The following RANBP9 variants were observed in gnomAD, a reference collection of about 807,000 sequenced individuals.
RANBP9 encodes RAN binding protein 9.
RANBP9 carries 15 observed loss-of-function variants against 84.3 expected under a neutral mutation model. That is an observed-to-expected ratio of 0.18 (90% CI 0.12 to 0.27). RANBP9 has a LOEUF of 0.27. Ranked by LOEUF, RANBP9 falls within the 10% of genes least tolerant of loss-of-function variation. The probability of loss-of-function intolerance (pLI) is 1.00; values close to 1 mark genes in which losing one functional copy is unlikely to be tolerated. For missense variants in RANBP9, 809 were observed against 912.8 expected, an observed-to-expected ratio of 0.89 and a Z score of 1.46; for synonymous variants, 392 against 349.6, an observed-to-expected ratio of 1.12 and a Z score of -1.35.
chr6:13,711,184 G>C lies in RANBP9; in HGVS notation c.322C>G (p.Leu108Val), dbSNP rs1758270353. The C allele has an allele frequency of 1.6e-6, 2 of 1,273,152 alleles. No homozygotes were observed. The highest frequency in any genetic ancestry group is 2.0e-6 in the Non-Finnish European group (2 of 1,011,166). 78.9% of individuals were successfully genotyped at this position (1,273,152 alleles called of 1,614,324 possible). A position where few individuals can be genotyped will look rare whatever the true frequency, so the allele number is the denominator to read the frequency against. The change falls in exon 1 of 14, where the codon CTT becomes GTT. Residue 108 changes from leucine (L) to valine (V), a missense_variant. By Grantham distance (32) the Leu-to-Val change is conservative (BLOSUM62 1). Around this residue, in one of 5 missense-constraint regions of RANBP9, gnomAD observed 302 missense variants for 240.1 expected, o/e 1.26. Coordinates refer to ENST00000011619, the MANE Select transcript of RANBP9 (RefSeq NM_005493.3). ...PASGPPAPPGLAAGPGPAGGA... is the reference protein window; with the variant it reads ...PASGPPAPPGVAAGPGPAGGA... ...CCAGCCGGGCCGGGGCCCGCTGCAA[G>C]GCCCGGGGGAGCGGGCGGCCCGCTG...
At chr6:13,710,195 C>G (rs1307086287) in intron 1 of RANBP9, among the ~76,000 whole-genome samples, 1 of 152,084 alleles carries the variant, frequency 6.6e-6, no homozygotes, top group Non-Finnish European at 1.5e-5. Flanking sequence ...AAACATAAGC[C>G]AATTTTCTTC....
chr6:13,673,574 A>G (rs1041298990), intron 2 of RANBP9, among the ~76,000 whole-genome samples: 7 of 152,204 alleles, frequency 4.6e-5, no homozygotes, highest in Admixed American at 2.0e-4. Flanking sequence ...CTGACTATGG[A>G]TAAGTGAAAT....
chr6:13,635,499 G>GA (rs141214665), intron 10 of RANBP9, among the ~76,000 whole-genome samples: 13,004 of 148,486 alleles, frequency 0.088, 965 homozygotes, highest in African/African-American at 0.19. Flanking sequence ...TTCAATTGTA[G>GA]AAAAAAAAAC....
rs775748955 is a variant in RANBP9, at chr6:13,632,466, T to C, written c.1851A>G (p.Ile617Met). 1.9e-6 allele frequency: 3 copies of C among 1,614,020 alleles called. No homozygotes were observed. The highest frequency in any genetic ancestry group is 2.5e-6 in the Non-Finnish European group (3 of 1,179,908). ...CTCGTCCAAAGTGGATCATTCTTTCTATGGCGGCCTGACTTCCTCCACACA... is the reference window on the plus strand; with the variant it reads ...CTCGTCCAAAGTGGATCATTCTTTCCATGGCGGCCTGACTTCCTCCACACA... ...RQLCGGSQAA[I>M]ERMIHFGREL... The change falls in exon 12 of 14, where the codon ATA (isoleucine) becomes ATG (methionine). Residue 617 changes from isoleucine to methionine, a missense_variant. By Grantham distance (10) the Ile-to-Met change is conservative (BLOSUM62 1). This residue lies in a region of RANBP9 where 233 missense variants were observed against 234.4 expected (regional missense o/e 0.99). Transcript: ENST00000011619.
At chr6:13,704,467 A>C (rs1348285552) in intron 1 of RANBP9, among the ~76,000 whole-genome samples, 1 of 151,992 alleles carries the variant, frequency 6.6e-6, no homozygotes, top group Non-Finnish European at 1.5e-5. Context: ...CTTCTCTACA[A>C]AAAAATACAA....
chr6:13,659,588 A>T (rs1197990555), intron 2 of RANBP9, among the ~76,000 whole-genome samples: 1 of 152,198 alleles, frequency 6.6e-6, no homozygotes, highest in Non-Finnish European at 1.5e-5. Flanking sequence ...AACACAATAC[A>T]CTTGTAAGTA....
At position 13,711,577 on chromosome 6, in the gene RANBP9, T is replaced by C; in HGVS notation, c.-72A>G. 2 of 1,211,936 alleles carry C rather than the reference T, an allele frequency of 1.7e-6. No homozygotes were observed. The highest frequency in any genetic ancestry group is 2.1e-6 in the Non-Finnish European group (2 of 967,746). The allele number at this position is 1,211,936 out of a possible 1,614,324, so 75.1% of individuals were successfully genotyped here. On this transcript the variant is annotated 5_prime_UTR_variant, in exon 1 of 14. Coordinates refer to ENST00000011619, the MANE Select transcript of RANBP9 (RefSeq NM_005493.3). The stretch of plus-strand genomic sequence containing the variant: ...CCTCCTCTGCTTCCCGGGGGCGCTG[T>C]CGCTGCGGCCGCCGGCACCAGGCGC...
intron 12 of RANBP9, among the ~76,000 whole-genome samples, chr6:13,631,828 T>A (rs1764790802): frequency 1.3e-5 from 2 of 152,324 alleles, no homozygotes; most frequent in South Asian, 4.1e-4. Context: ...TCCTATCAGC[T>A]CATGGACAAC....
chr6:13,710,364 C>T (rs1404577824), intron 1 of RANBP9, among the ~76,000 whole-genome samples: 1 of 152,128 alleles, frequency 6.6e-6, no homozygotes, highest in Non-Finnish European at 1.5e-5. Flanking sequence ...CTTACCCTCC[C>T]GGTTGCTTTT....
chr6:13,627,496 G>A (rs1310882819), intron 12 of RANBP9, among the ~76,000 whole-genome samples: 1 of 151,806 alleles, frequency 6.6e-6, no homozygotes, highest in African/African-American at 2.4e-5. Context: ...CAGGCATGGT[G>A]GTGCATGCCT....
At chr6:13,624,914 C>T (rs1764558695) in intron 13 of RANBP9, among the ~76,000 whole-genome samples, 1 of 152,164 alleles carries the variant, frequency 6.6e-6, no homozygotes, top group Non-Finnish European at 1.5e-5. Flanking sequence ...TGCCCATATT[C>T]ATAAGCATGG....
At chr6:13,707,952 C>G (rs1318973435) in intron 1 of RANBP9, among the ~76,000 whole-genome samples, 1 of 152,202 alleles carries the variant, frequency 6.6e-6, no homozygotes, top group Non-Finnish European at 1.5e-5. Flanking sequence ...TGTGTGACTG[C>G]TAAGCAAAAG....
Position 13,696,865 on chromosome 6 carries a change from T to A in RANBP9, c.603A>T (p.Ser201=). The stretch of plus-strand genomic sequence containing the variant: ...CTGGTATTGGATGCGTGGCTCGAAC[T>A]GACGCGGCATCTTTTGGGGTTTTGC... ...GHGKTPKDAA[S]VRATHPIPAA... Residue 201 remains serine (S), a synonymous_variant, in exon 2 of 14, where the codon TCA becomes TCT. Coordinates refer to ENST00000011619, the MANE Select transcript of RANBP9 (RefSeq NM_005493.3). The A allele has an allele frequency of 6.2e-7, 1 of 1,613,584 alleles. No individual in the cohort carries two copies. Among genetic ancestry groups the A allele is most frequent in the Non-Finnish European group, 8.5e-7 (1 of 1,179,700 alleles).
intron 1 of RANBP9, among the ~76,000 whole-genome samples, chr6:13,697,803 T>C (rs974161786): frequency 1.3e-5 from 2 of 152,178 alleles, no homozygotes; most frequent in African/African-American, 4.8e-5. Context: ...AGTCTCCATA[T>C]CCCCAAAAGG....
intron 2 of RANBP9, among the ~76,000 whole-genome samples, chr6:13,683,425 C>G (rs1291498472): frequency 6.6e-6 from 1 of 152,038 alleles, no homozygotes; most frequent in Non-Finnish European, 1.5e-5. Flanking sequence ...ACATGGGTGT[C>G]TTTAAGACAT....
At chr6:13,678,062 G>GCC (rs1765937453) in intron 2 of RANBP9, among the ~76,000 whole-genome samples, 1 of 152,162 alleles carries the variant, frequency 6.6e-6, no homozygotes, top group African/African-American at 2.4e-5. Context: ...AGGCTGCAGT[G>GCC]AACAGTGATC....
chr6:13,624,081 G>T (rs1159275984), intron 13 of RANBP9, among the ~76,000 whole-genome samples: 1 of 152,120 alleles, frequency 6.6e-6, no homozygotes, highest in Non-Finnish European at 1.5e-5. Flanking sequence ...GGAGCTAAAT[G>T]AATTTTGTAG....
intron 7 of RANBP9, among the ~76,000 whole-genome samples, 198 bp downstream of exon 7, chr6:13,642,281 A>C (rs1476086984): frequency 6.6e-6 from 1 of 152,174 alleles, no homozygotes; most frequent in East Asian, 1.9e-4. Context: ...TCTCTCTAGA[A>C]TTAGAATTCT....
chr6:13,650,273 T>C lies in RANBP9; in HGVS notation c.927+2386A>G, dbSNP rs1421093875. Among the ~76,000 whole-genome samples, 7 of 152,044 alleles carry C rather than the reference T, an allele frequency of 4.6e-5. No individual in the cohort carries two copies. In the East Asian group the frequency reaches 1.2e-3, roughly 25 times the overall value. On this transcript the variant is annotated intron_variant, in intron 5 of 13. Transcript: ENST00000011619. Reference sequence around the variant, plus strand: ...ACCTCAGACACCCAGAGCCAAATAATGCTTCTTGAAGAGTACTTTTGATCG... The same window carrying C: ...ACCTCAGACACCCAGAGCCAAATAACGCTTCTTGAAGAGTACTTTTGATCG...
Sources: allele counts gnomAD v4.1 joint callset (sites outside exome capture counted in the v4.1 genomes callset), GRCh38; gene constraint gnomAD v4.1.1; regional missense constraint gnomAD v4.1.1; transcripts MANE v1.5; gene names NCBI Gene and HGNC (gene_info 2026-07-23, HGNC 2026-07-21).